The following CNTNAP2 variants were observed in gnomAD, a reference collection of about 807,000 sequenced individuals.
The protein encoded by CNTNAP2 is contactin associated protein 2, also known as contactin-associated protein-like 2.
In CNTNAP2, 98 loss-of-function variants were observed where a neutral mutation model predicts 155.2. That is an observed-to-expected ratio of 0.63 (90% CI 0.54 to 0.75). The LOEUF is 0.75. Ranked by LOEUF, CNTNAP2 falls within the 30% of genes least tolerant of loss-of-function variation. The pLI, the probability that CNTNAP2 is intolerant of heterozygous loss-of-function variation, is 0.00. For missense variants in CNTNAP2, 1,727 were observed against 1,688.1 expected (o/e 1.02, Z -0.40); for synonymous variants, 651 against 631.2 (o/e 1.03, Z -0.47).
At chr7:147,560,449 T>C (rs1800041047) in intron 11 of CNTNAP2, among the ~76,000 whole-genome samples, 1 of 152,152 alleles carries the variant, frequency 6.6e-6, no homozygotes, top group South Asian at 2.1e-4. Flanking sequence ...CTGTTTTACT[T>C]GGTATGACAT....
intron 12 of CNTNAP2, among the ~76,000 whole-genome samples, chr7:147,629,044 G>A (rs989017459): frequency 1.3e-5 from 2 of 151,876 alleles, no homozygotes; most frequent in African/African-American, 4.8e-5. Flanking sequence ...AATAATAGTG[G>A]GGGGGCTTCA....
chr7:147,324,885 A>C (rs1200680805), intron 9 of CNTNAP2, among the ~76,000 whole-genome samples: 1 of 152,206 alleles, frequency 6.6e-6, no homozygotes, highest in African/African-American at 2.4e-5. Flanking sequence ...GTTTGAAACA[A>C]CATATGTACC....
chr7:147,298,916 AG>A (rs1456838677), intron 8 of CNTNAP2, among the ~76,000 whole-genome samples: 2 of 152,246 alleles, frequency 1.3e-5, no homozygotes, highest in East Asian at 3.8e-4. Flanking sequence ...GCCAGATTTC[AG>A]CCACAAACTG....
intron 22 of CNTNAP2, 46 bp from the exon 23 acceptor site, chr7:148,409,345 C>A: frequency 7.1e-7 from 1 of 1,409,962 alleles, no homozygotes; most frequent in South Asian, 1.2e-5. Flanking sequence ...TATTTGGGAT[C>A]AATAGTATAC....
At position 146,222,822 on chromosome 7, in the gene CNTNAP2, A is replaced by AT. The variant is rs539066261; in HGVS notation, c.97+105856dup. 2.7e-3 allele frequency among the ~76,000 whole-genome samples: 407 copies of AT among 151,294 alleles called. 2 individuals carry two copies. The highest frequency in any genetic ancestry group is 9.3e-3 in the African/African-American group (383 of 41,226). ...AGGCGCCCGCCACCACGCCCAGCTA[A>AT]TTTTTTTATATTTTTTTTAGTAGAG... On this transcript the variant is annotated intron_variant, in intron 1 of 23. Coordinates refer to ENST00000361727, the MANE Select transcript of CNTNAP2 (RefSeq NM_014141.6).
rs142973010 is a variant in CNTNAP2, at chr7:147,045,821, C to T, written c.550+1767C>T. On this transcript the variant is annotated intron_variant, in intron 4 of 23. Transcript: ENST00000361727. Reference sequence around the variant, plus strand: ...GTAAATAAATACAGACACACACACACATATATATAGGTATATATACACACA... The same window carrying T: ...GTAAATAAATACAGACACACACACATATATATATAGGTATATATACACACA... 4.7e-3 allele frequency among the ~76,000 whole-genome samples: 709 copies of T among 152,006 alleles called. 13 individuals carry two copies. Among genetic ancestry groups the T allele is most frequent in the African/African-American group, 0.016 (662 of 41,436 alleles).
At chr7:146,220,703 A>C (rs1195036678) in intron 1 of CNTNAP2, among the ~76,000 whole-genome samples, 1 of 152,230 alleles carries the variant, frequency 6.6e-6, no homozygotes, top group Non-Finnish European at 1.5e-5. Context: ...TCTGATTAAT[A>C]CTAATATAAT....
intron 1 of CNTNAP2, among the ~76,000 whole-genome samples, chr7:146,742,760 C>T (rs1010785263): frequency 3.3e-5 from 5 of 152,028 alleles, no homozygotes; most frequent in Non-Finnish European, 5.9e-5. Flanking sequence ...ACAGTTTAAA[C>T]GATTAGTACT....
At chr7:147,202,713 C>T (rs555745517) in intron 8 of CNTNAP2, among the ~76,000 whole-genome samples, 18 of 152,090 alleles carry the variant, frequency 1.2e-4, no homozygotes, top group African/African-American at 3.9e-4. Flanking sequence ...AACCAAACAC[C>T]GCATGTTCTC....
At chr7:147,308,937 T>C (rs1254339032) in intron 9 of CNTNAP2, among the ~76,000 whole-genome samples, 2 of 152,202 alleles carry the variant, frequency 1.3e-5, no homozygotes, top group African/African-American at 4.8e-5. Context: ...GACCTTGCCA[T>C]TTAGAAATAA....
chr7:146,839,605 T>C (rs1585116229), intron 2 of CNTNAP2, 106 bp from the exon 3 acceptor site: 3 of 1,148,732 alleles, frequency 2.6e-6, no homozygotes, highest in African/African-American at 1.5e-5. Flanking sequence ...ATCTGTGAAA[T>C]AGAGCACTGC....
intron 3 of CNTNAP2, among the ~76,000 whole-genome samples, chr7:146,979,802 A>G (rs1797979517): frequency 6.6e-6 from 1 of 152,228 alleles, no homozygotes; most frequent in Admixed American, 6.5e-5. Context: ...TGTAAGCTGA[A>G]AACTCTGTAT....
chr7:147,872,725 C>T (rs1336389981), intron 13 of CNTNAP2, among the ~76,000 whole-genome samples: 1 of 152,186 alleles, frequency 6.6e-6, no homozygotes, highest in Non-Finnish European at 1.5e-5. Flanking sequence ...ATCCAACAAA[C>T]ACCCTTTTTT....
Position 148,134,084 on chromosome 7 carries a change from T to G in CNTNAP2, c.2555-13407T>G, listed in dbSNP as rs180762012. Among the ~76,000 whole-genome samples, 389 of 152,322 alleles carry G rather than the reference T, an allele frequency of 2.6e-3. 2 individuals are homozygous for G. Among genetic ancestry groups the G allele is most frequent in the Admixed American group, 3.3e-3 (51 of 15,308 alleles). On this transcript the variant is annotated intron_variant, in intron 16 of 23. Transcript: ENST00000361727. ...ACCCACCGCCTATCTGTTAAGAGTT[T>G]GACAAATGAAATCTGGCTGAACCTC...
intron 11 of CNTNAP2, among the ~76,000 whole-genome samples, chr7:147,512,128 T>C (rs1799033856): frequency 6.6e-6 from 1 of 152,156 alleles, no homozygotes; most frequent in Non-Finnish European, 1.5e-5. Flanking sequence ...GGATCCCACC[T>C]AATGCACTTT....
At chr7:147,248,689 T>C (rs118150651) in intron 8 of CNTNAP2, among the ~76,000 whole-genome samples, 2 of 152,350 alleles carry the variant, frequency 1.3e-5, no homozygotes, top group East Asian at 3.9e-4. Flanking sequence ...GCCCATAGTC[T>C]TGCTATTTAA....
intron 21 of CNTNAP2, among the ~76,000 whole-genome samples, chr7:148,281,055 C>T (rs1327879152): frequency 2.0e-5 from 3 of 152,158 alleles, no homozygotes; most frequent in Non-Finnish European, 4.4e-5. Context: ...CCTGGGGGAG[C>T]GTGAGGGACA....
intron 8 of CNTNAP2, among the ~76,000 whole-genome samples, chr7:147,282,377 C>T (rs1207916914): frequency 6.6e-6 from 1 of 151,896 alleles, no homozygotes; most frequent in Non-Finnish European, 1.5e-5. Context: ...AAGTCACTGT[C>T]ATTGTGAGCC....
intron 14 of CNTNAP2, among the ~76,000 whole-genome samples, chr7:147,935,220 G>A (rs1006445607): frequency 1.8e-4 from 27 of 151,720 alleles, no homozygotes; most frequent in South Asian, 4.2e-4. Flanking sequence ...TGTGCCTCCC[G>A]GGGTCAAGCG....
Sources: gnomAD v4.1 joint callset for allele counts (sites outside exome capture counted in the v4.1 genomes callset) on GRCh38, gnomAD v4.1.1 for gene constraint, MANE v1.5 for transcripts, NCBI Gene and HGNC (gene_info 2026-07-23, HGNC 2026-07-21) for gene names.